Variants in ADCY2 observed in about 807,000 individuals in gnomAD.
The protein encoded by ADCY2 is adenylate cyclase 2.
ADCY2 carries 31 observed loss-of-function variants against 125.2 expected under a neutral mutation model. That is an observed-to-expected ratio of 0.25 (90% CI 0.19 to 0.33). The LOEUF (loss-of-function observed/expected upper bound fraction) is 0.33. Ranked by LOEUF, ADCY2 falls within the 10% of genes least tolerant of loss-of-function variation. The pLI is 1.00. For synonymous variants in ADCY2, 512 were observed against 548.4 expected, an observed-to-expected ratio of 0.93 and a Z score of 0.93; for missense variants, 904 against 1,418.2, an observed-to-expected ratio of 0.64 and a Z score of 5.82.
chr5:7,453,465 G>A (rs1438645658), intron 2 of ADCY2, among the ~76,000 whole-genome samples: 2 of 152,150 alleles, frequency 1.3e-5, no homozygotes, highest in African/African-American at 2.4e-5. Flanking sequence ...TGTTACTGGC[G>A]GTGAATCCCT....
intron 16 of ADCY2, among the ~76,000 whole-genome samples, chr5:7,764,230 C>T (rs1023356677): frequency 4.6e-5 from 7 of 152,172 alleles, no homozygotes; most frequent in Non-Finnish European, 7.3e-5. Context: ...TTGTTTCATA[C>T]GTAGTGTTTT....
intron 20 of ADCY2, among the ~76,000 whole-genome samples, chr5:7,793,163 T>C (rs913143627): frequency 6.6e-6 from 1 of 152,134 alleles, no homozygotes; most frequent in East Asian, 1.9e-4. Flanking sequence ...AGACACACAG[T>C]GTCAGCTGGG....
intron 4 of ADCY2, among the ~76,000 whole-genome samples, chr5:7,632,084 C>G (rs1738330508): frequency 6.6e-6 from 1 of 152,154 alleles, no homozygotes; most frequent in South Asian, 2.1e-4. Flanking sequence ...GCCAGTGAGA[C>G]TTTCTCACTG....
intron 4 of ADCY2, among the ~76,000 whole-genome samples, chr5:7,645,581 G>A (rs983183058): frequency 6.6e-6 from 1 of 152,136 alleles, no homozygotes; most frequent in Non-Finnish European, 1.5e-5. Flanking sequence ...ACCAGTGAGT[G>A]AACAAATTCC....
intron 3 of ADCY2, among the ~76,000 whole-genome samples, chr5:7,603,784 C>CTTTTTTTTTTTTT: frequency 1.3e-3 from 79 of 62,794 alleles, no homozygotes; most frequent in Non-Finnish European, 1.5e-3. Flanking sequence ...TGCTCTCTTT[C>CTTTTTTTTTTTTT]TTTTTTTTTT....
intron 2 of ADCY2, among the ~76,000 whole-genome samples, chr5:7,494,119 C>T (rs1743262735): frequency 6.6e-6 from 1 of 152,136 alleles, no homozygotes; most frequent in Non-Finnish European, 1.5e-5. Context: ...TGGTGCTGAG[C>T]TCTGGTGCTG....
At chr5:7,752,271 G>A (rs946829273) in intron 15 of ADCY2, among the ~76,000 whole-genome samples, 1 of 152,136 alleles carries the variant, frequency 6.6e-6, no homozygotes, top group Non-Finnish European at 1.5e-5. Flanking sequence ...TTATTGCTCC[G>A]GCTTATTCCT....
chr5:7,453,224 T>C (rs1285008586), intron 2 of ADCY2, among the ~76,000 whole-genome samples: 1 of 152,218 alleles, frequency 6.6e-6, no homozygotes, highest in Non-Finnish European at 1.5e-5. Context: ...AGAATTTTTA[T>C]GGTTTCATAT....
intron 2 of ADCY2, among the ~76,000 whole-genome samples, chr5:7,515,338 A>C (rs188038125): frequency 6.6e-6 from 1 of 152,316 alleles, no homozygotes; most frequent in Non-Finnish European, 1.5e-5. Context: ...AAACTCTTCA[A>C]AAATGGCCTT....
intron 2 of ADCY2, among the ~76,000 whole-genome samples, chr5:7,485,392 G>A (rs1405268269): frequency 1.3e-5 from 2 of 151,900 alleles, no homozygotes; most frequent in Admixed American, 6.6e-5. Flanking sequence ...TGTAAAATTC[G>A]TGGAACAAAA....
chr5:7,440,966 C>A (rs1198596276), intron 2 of ADCY2, among the ~76,000 whole-genome samples: 1 of 152,100 alleles, frequency 6.6e-6, no homozygotes. Flanking sequence ...AAAACCAAGT[C>A]ATAGGAAGTT....
rs566943157 is a variant in ADCY2, at chr5:7,829,601, C to T, written c.*2730C>T. ...TGCTCTCCTTAACCTTTAAGTCTTA[C>T]AGGAAGCCTCTCATAGAAATTGCCT... On this transcript the variant is annotated 3_prime_UTR_variant, in exon 25 of 25. Transcript: ENST00000338316. 2.6e-5 allele frequency: 4 copies of T among 152,416 alleles called. No individual in the cohort carries two copies. The highest frequency in any genetic ancestry group is 9.6e-5 in the African/African-American group (4 of 41,538). The allele number at this position is 152,416 out of a possible 1,614,324, so 9.4% of individuals were successfully genotyped here. A position where few individuals can be genotyped will look rare whatever the true frequency, so the allele number is the denominator to read the frequency against.
intron 3 of ADCY2, among the ~76,000 whole-genome samples, chr5:7,581,753 G>C (rs1440119893): frequency 6.6e-6 from 1 of 151,180 alleles, no homozygotes; most frequent in Non-Finnish European, 1.5e-5. Context: ...CCTGGGAGGT[G>C]GAGCTTGCAG....
Position 7,773,111 on chromosome 5 carries a change from G to A in ADCY2, c.2384+10G>A, listed in dbSNP as rs182151006. On this transcript the variant is annotated intron_variant, in intron 18 of 24. Transcript: ENST00000338316. The stretch of plus-strand genomic sequence containing the variant: ...AGGTCTTATTTGAGAGGTGAGCCAC[G>A]GCCTCTTCCTTCTCTTACTATAGTT... 37 of 1,612,646 alleles carry A rather than the reference G, an allele frequency of 2.3e-5. No individual in the cohort carries two copies. Among genetic ancestry groups the A allele is most frequent in the East Asian group, 4.5e-5 (2 of 44,840 alleles).
chr5:7,690,294 A>G (rs1176169316), intron 4 of ADCY2, among the ~76,000 whole-genome samples: 1 of 152,230 alleles, frequency 6.6e-6, no homozygotes, highest in African/African-American at 2.4e-5. Flanking sequence ...CAATAAAGCT[A>G]GTATTTTAGC....
chr5:7,757,994 G>T (rs1308444042), intron 16 of ADCY2, among the ~76,000 whole-genome samples: 1 of 152,226 alleles, frequency 6.6e-6, no homozygotes, highest in African/African-American at 2.4e-5. Context: ...ATGTCTTAAG[G>T]ATAGTCATGA....
chr5:7,554,586 A>G (rs1273773988), intron 3 of ADCY2, among the ~76,000 whole-genome samples: 1 of 152,146 alleles, frequency 6.6e-6, no homozygotes, highest in Admixed American at 6.6e-5. Context: ...TGCAGATTTG[A>G]TCATTTAAGG....
intron 18 of ADCY2, among the ~76,000 whole-genome samples, chr5:7,778,857 G>C (rs1421280540): frequency 1.3e-5 from 2 of 152,218 alleles, no homozygotes; most frequent in Non-Finnish European, 2.9e-5. Flanking sequence ...AAGAGCTGCA[G>C]ACCTTACCCT....
At chr5:7,686,082 C>T (rs1390478894) in intron 4 of ADCY2, among the ~76,000 whole-genome samples, 1 of 152,072 alleles carries the variant, frequency 6.6e-6, no homozygotes, top group Non-Finnish European at 1.5e-5. Flanking sequence ...CATTGTTATC[C>T]TCCCGTTTGG....
Sources: gnomAD v4.1 joint callset for allele counts (sites outside exome capture counted in the v4.1 genomes callset) on GRCh38, gnomAD v4.1.1 for gene constraint, MANE v1.5 for transcripts, NCBI Gene and HGNC (gene_info 2026-07-23, HGNC 2026-07-21) for gene names.